MRAP: variants seen among roughly 807,000 people sequenced by gnomAD.
The protein encoded by MRAP is melanocortin-2 receptor accessory protein.
A neutral mutation model predicts 8.7 loss-of-function variants in MRAP; 8 were observed. The observed-to-expected ratio is 0.92, with a 90% confidence interval of 0.54 to 1.66. MRAP has a LOEUF of 1.66. MRAP is among the 40% of genes most tolerant of loss of function. The pLI is 0.00. For synonymous variants in MRAP, 95 were observed against 95.5 expected (o/e 1.00, Z 0.03); for missense variants, 237 against 217.1 (o/e 1.09, Z -0.58).
rs575921490 is a variant in MRAP at position 32,310,657 on chromosome 21, T to C, written c.207-1027T>C. Among the ~76,000 whole-genome samples, 18 of 151,940 alleles carry C rather than the reference T, an allele frequency of 1.2e-4. No homozygotes were observed. In the South Asian group the frequency reaches 3.7e-3, roughly 32 times the overall value. The stretch of plus-strand genomic sequence containing the variant: ...AGGACACATTTCTTTTTTTTTTCTT[T>C]TTTTTTTTGAGACTGAGTCTTGCTC... On this transcript the variant is annotated intron_variant, in intron 2 of 2. Coordinates refer to ENST00000303645, the MANE Select transcript of MRAP (RefSeq NM_001379228.1).
At chr21:32,297,754 C>T (rs963778313), upstream of MRAP, among the ~76,000 whole-genome samples, 5 of 152,162 alleles carry the variant, frequency 3.3e-5, no homozygotes, top group African/African-American at 7.2e-5. Context: ...TACGGTGTAG[C>T]GGGAGCAGAG....
chr21:32,311,569 C>T lies in MRAP; in HGVS notation c.207-115C>T. ...CCTTCTCAGGAATTTGCCTGTGTGG[C>T]CTTCCCTATGGGGTCCGGGCAGATG... On this transcript the variant is annotated intron_variant, in intron 2 of 2. Coordinates refer to ENST00000303645, the MANE Select transcript of MRAP (RefSeq NM_001379228.1). 4.1e-6 allele frequency: 6 copies of T among 1,453,722 alleles called. No homozygotes were observed. In the South Asian group the frequency reaches 5.5e-5, roughly 13 times the overall value. 90.1% of individuals were successfully genotyped at this position (1,453,722 alleles called of 1,614,324 possible).
chr21:32,303,279 A>C (rs1331691609), intron 1 of MRAP, among the ~76,000 whole-genome samples: 1 of 152,136 alleles, frequency 6.6e-6, no homozygotes, highest in East Asian at 1.9e-4. Flanking sequence ...CACCATGCCC[A>C]ACCACATCTT....
intron 2 of MRAP, among the ~76,000 whole-genome samples, chr21:32,309,831 T>A (rs1031526550): frequency 6.6e-6 from 1 of 151,600 alleles, no homozygotes; most frequent in Admixed American, 6.6e-5. Context: ...TAATCCCAGC[T>A]ACTCGGGAGG....
chr21:32,306,526 G>A (rs1437760552), intron 1 of MRAP, 114 bp from the exon 2 acceptor site: 1 of 803,418 alleles, frequency 1.2e-6, no homozygotes, highest in African/African-American at 1.7e-5. Context: ...GAGGCTGGAG[G>A]ACAACCGAAA....
At chr21:32,297,165 A>T (rs1384463116), upstream of MRAP, among the ~76,000 whole-genome samples, 1 of 152,196 alleles carries the variant, frequency 6.6e-6, no homozygotes, top group African/African-American at 2.4e-5. Flanking sequence ...TAAGAGAAGC[A>T]TCTTCTGTTA....
chr21:32,297,542 G>A (rs761851425), upstream of MRAP, among the ~76,000 whole-genome samples: 38 of 152,256 alleles, frequency 2.5e-4, no homozygotes, highest in Non-Finnish European at 4.9e-4. Context: ...TCTCTTCCAC[G>A]TGGCTGTTCC....
intron 2 of MRAP, among the ~76,000 whole-genome samples, chr21:32,310,707 C>T (rs1431147818): frequency 2.7e-5 from 4 of 150,778 alleles, no homozygotes; most frequent in Non-Finnish European, 4.4e-5. Context: ...GGTGCAGTGG[C>T]GCAATCTTGG....
At chr21:32,314,619 A>G, downstream of MRAP, 1 of 1,614,234 alleles carries the variant, frequency 6.2e-7, no homozygotes, top group Non-Finnish European at 8.5e-7. Flanking sequence ...TCCTGTGATG[A>G]GCTCCAAGCC....
rs935939710 is a variant in MRAP, at chr21:32,306,458, C to G, written c.107-182C>G. On this transcript the variant is annotated intron_variant, in intron 1 of 2. Transcript: ENST00000303645. ...CTGAGGAAAAAGACACTTCTTGGCT[C>G]CCCTGTTCTTTCCCAAAGTTATTGT... 1.5e-5 allele frequency: 10 copies of G among 668,108 alleles called. No individual in the cohort carries two copies. In the African/African-American group the frequency reaches 1.8e-4, roughly 12 times the overall value. 41.4% of individuals were successfully genotyped at this position (668,108 alleles called of 1,614,324 possible).
chr21:32,305,376 G>C (rs887584503), intron 1 of MRAP, among the ~76,000 whole-genome samples: 1 of 152,126 alleles, frequency 6.6e-6, no homozygotes, highest in Non-Finnish European at 1.5e-5. Context: ...TGGCAGAGAT[G>C]ACATCCTTTA....
intron 1 of MRAP, among the ~76,000 whole-genome samples, chr21:32,304,486 G>A (rs991711244): frequency 1.3e-5 from 2 of 152,036 alleles, no homozygotes; most frequent in Non-Finnish European, 2.9e-5. Flanking sequence ...GTGGTGGTGG[G>A]CACCTGTAAT....
intron 1 of MRAP, among the ~76,000 whole-genome samples, chr21:32,304,757 T>C (rs2032366953): frequency 6.6e-6 from 1 of 152,076 alleles, no homozygotes; most frequent in African/African-American, 2.4e-5. Flanking sequence ...AACAGTTCCC[T>C]GCTCTAGGGG....
chr21:32,304,965 G>GT (rs537525538), intron 1 of MRAP, among the ~76,000 whole-genome samples: 4,032 of 77,864 alleles, frequency 0.052, 401 homozygotes, highest in African/African-American at 0.12. Flanking sequence ...TTTTTTTGTT[G>GT]TTTTTTTTTT....
rs551992229 is a variant in MRAP, at chr21:32,298,928, G to C, written c.-44G>C. 2 of 1,454,030 alleles carry C rather than the reference G, an allele frequency of 1.4e-6. No individual in the cohort carries two copies. Among genetic ancestry groups the C allele is most frequent in the Non-Finnish European group, 1.9e-6 (2 of 1,037,450 alleles). The allele number at this position is 1,454,030 out of a possible 1,614,324, so 90.1% of individuals were successfully genotyped here. A position where few individuals can be genotyped will look rare whatever the true frequency, so the allele number is the denominator to read the frequency against. On this transcript the variant is annotated 5_prime_UTR_variant, in exon 1 of 3. Transcript: ENST00000303645. ...CCCAGGGGCTTGGCGCCTGGCTCGA[G>C]GCGAGGCTGCCGGCCCGGACGCTGA...
downstream of MRAP, chr21:32,314,522 A>G: frequency 6.3e-7 from 1 of 1,599,224 alleles, no homozygotes; most frequent in Non-Finnish European, 8.6e-7. Context: ...GTTTTCATAA[A>G]AAAAATCTGA....
At chr21:32,300,587 G>A (rs1470676381) in intron 1 of MRAP, among the ~76,000 whole-genome samples, 9 of 147,386 alleles carry the variant, frequency 6.1e-5, no homozygotes, top group East Asian at 4.1e-4. Context: ...TGTCAGGGGC[G>A]TCACACGTCC....
chr21:32,308,262 C>T (rs2032466589), intron 2 of MRAP, among the ~76,000 whole-genome samples: 1 of 151,864 alleles, frequency 6.6e-6, no homozygotes, highest in African/African-American at 2.4e-5. Flanking sequence ...CCTGTAATCC[C>T]AGCTACTCGT....
intron 2 of MRAP, among the ~76,000 whole-genome samples, chr21:32,309,836 G>A (rs1390626851): frequency 5.3e-5 from 8 of 151,472 alleles, no homozygotes; most frequent in African/African-American, 1.9e-4. Context: ...CCAGCTACTC[G>A]GGAGGCTGAG....
Sources: gnomAD v4.1 joint callset for allele counts (sites outside exome capture counted in the v4.1 genomes callset) on GRCh38, gnomAD v4.1.1 for gene constraint, MANE v1.5 for transcripts, NCBI Gene and HGNC (gene_info 2026-07-23, HGNC 2026-07-21) for gene names.